The following TMEM132B variants were observed in gnomAD, a reference collection of about 807,000 sequenced individuals.
TMEM132B encodes the protein transmembrane protein 132B.
In TMEM132B, 18 loss-of-function variants were observed where a neutral mutation model predicts 90.8. That is an observed-to-expected ratio of 0.20 (90% CI 0.14 to 0.29). The LOEUF (loss-of-function observed/expected upper bound fraction) is 0.29, where lower values mean the gene tolerates loss of function less well. Among genes scored for constraint, TMEM132B ranks in the 10% least tolerant of loss-of-function variants. TMEM132B has a pLI of 1.00. For synonymous variants in TMEM132B, 504 were observed against 523.3 expected (o/e 0.96, Z 0.50); for missense variants, 1,096 against 1,326.8 (o/e 0.83, Z 2.70).
Position 125,497,061 on chromosome 12 carries a change from C to T in TMEM132B, c.1107-22378C>T, listed in dbSNP as rs547557556. On this transcript the variant is annotated intron_variant, in intron 3 of 8. Coordinates refer to ENST00000682704, the MANE Select transcript of TMEM132B (RefSeq NM_001366854.1). ...CGGCTTCCTCTTTAAAGGATGGTTA[C>T]CTTTATTTCAAAGCTCCAGGAGAGG... 9.8e-5 allele frequency among the ~76,000 whole-genome samples: 15 copies of T among 152,294 alleles called. No individual in the cohort carries two copies. In the South Asian group the frequency reaches 3.1e-3, roughly 32 times the overall value.
At chr12:125,560,414 T>C (rs991970662) in intron 4 of TMEM132B, among the ~76,000 whole-genome samples, 8 of 152,188 alleles carry the variant, frequency 5.3e-5, no homozygotes, top group Non-Finnish European at 1.0e-4. Context: ...AAAGAAGACA[T>C]TTATGCGGCC....
chr12:125,230,638 G>A (rs1369897071), intron 1 of TMEM132B, among the ~76,000 whole-genome samples: 1 of 151,248 alleles, frequency 6.6e-6, no homozygotes, highest in Non-Finnish European at 1.5e-5. Context: ...CTGCCACCAC[G>A]CCCGTCTAAT....
chr12:125,332,583 CTTTTTTTTTTT>C (rs201828438), intron 1 of TMEM132B, among the ~76,000 whole-genome samples: 1,270 of 52,342 alleles, frequency 0.024, 25 homozygotes, highest in Middle Eastern at 0.062. Context: ...AGAGAGTTGG[CTTTTTTTTTTT>C]TTTTTTTTTT....
chr12:125,363,534 T>C (rs325099), intron 2 of TMEM132B, among the ~76,000 whole-genome samples: 39,467 of 152,078 alleles, frequency 0.26, 5,545 homozygotes, highest in African/African-American at 0.35. Flanking sequence ...TAGTAGTGTT[T>C]TTTGGGCCTG....
rs1887175342 is a variant in TMEM132B at position 125,660,253 on chromosome 12, C to T, written c.*5543C>T. 6.6e-6 allele frequency: 1 copy of T among 152,136 alleles called. No individual in the cohort carries two copies. Among genetic ancestry groups the T allele is most frequent in the Non-Finnish European group, 1.5e-5 (1 of 68,060 alleles). The allele number at this position is 152,136 out of a possible 1,614,324, so 9.4% of individuals were successfully genotyped here. On this transcript the variant is annotated 3_prime_UTR_variant, in exon 9 of 9. Coordinates refer to ENST00000682704, the MANE Select transcript of TMEM132B (RefSeq NM_001366854.1). ...AACAAGAGCGAGACTTTGTCTCAAA[C>T]AGAAACAAAACAAGAAAAACAAAAA... is the stretch of plus-strand genomic sequence containing the variant.
intron 1 of TMEM132B, among the ~76,000 whole-genome samples, chr12:125,302,110 G>T (rs750011186): frequency 2.6e-5 from 4 of 152,132 alleles, no homozygotes; most frequent in Admixed American, 6.5e-5. Context: ...TGAGGCAAGA[G>T]AATTGCTTGA....
intron 4 of TMEM132B, among the ~76,000 whole-genome samples, chr12:125,554,322 G>A (rs1450361302): frequency 6.6e-6 from 1 of 150,880 alleles, no homozygotes; most frequent in African/African-American, 2.4e-5. Flanking sequence ...CTACTTGGGA[G>A]GCTGAGGCAG....
chr12:125,484,604 G>T (rs1882151909), intron 3 of TMEM132B, among the ~76,000 whole-genome samples: 1 of 152,020 alleles, frequency 6.6e-6, no homozygotes, highest in Non-Finnish European at 1.5e-5. Context: ...AGCTGTCCTG[G>T]TCTCTATGTT....
chr12:125,480,594 C>T (rs911273742), intron 3 of TMEM132B, among the ~76,000 whole-genome samples: 17 of 152,116 alleles, frequency 1.1e-4, no homozygotes, highest in African/African-American at 3.9e-4. Context: ...CAATAACAGG[C>T]TCTGAAATTG....
At chr12:125,306,271 C>G (rs1875968328) in intron 1 of TMEM132B, among the ~76,000 whole-genome samples, 1 of 152,236 alleles carries the variant, frequency 6.6e-6, no homozygotes, top group Non-Finnish European at 1.5e-5. Context: ...AGGCTTAACA[C>G]AACACACCTG....
At chr12:125,538,487 C>T (rs142041115) in intron 4 of TMEM132B, among the ~76,000 whole-genome samples, 1 of 152,326 alleles carries the variant, frequency 6.6e-6, no homozygotes, top group East Asian at 1.9e-4. Context: ...GTTAGACAGT[C>T]ACTTGGCCAG....
intron 5 of TMEM132B, among the ~76,000 whole-genome samples, chr12:125,619,628 G>T (rs995427784): frequency 6.6e-6 from 1 of 152,014 alleles, no homozygotes; most frequent in Non-Finnish European, 1.5e-5. Flanking sequence ...GCCTCCCAAA[G>T]TGCTGGGATT....
At chr12:125,199,783 C>T (rs942027390) in intron 1 of TMEM132B, among the ~76,000 whole-genome samples, 2 of 152,048 alleles carry the variant, frequency 1.3e-5, no homozygotes, top group Non-Finnish European at 2.9e-5. Flanking sequence ...ATCTCATCTC[C>T]ATCCCAGGCA....
chr12:125,635,493 A>T (rs1886459702), intron 5 of TMEM132B, among the ~76,000 whole-genome samples: 1 of 152,194 alleles, frequency 6.6e-6, no homozygotes. Flanking sequence ...ATGCCTTCAT[A>T]GTATTCCATG....
At chr12:125,424,335 G>A (rs570944236) in intron 3 of TMEM132B, among the ~76,000 whole-genome samples, 1 of 152,272 alleles carries the variant, frequency 6.6e-6, no homozygotes, top group South Asian at 2.1e-4. Context: ...TGTTTACAGG[G>A]CTCCGTGTGT....
intron 2 of TMEM132B, among the ~76,000 whole-genome samples, chr12:125,371,379 A>G (rs180737120): frequency 4.6e-5 from 7 of 152,340 alleles, no homozygotes; most frequent in Admixed American, 2.6e-4. Flanking sequence ...GGGAAGAGAC[A>G]GGGAGGAAGG....
intron 5 of TMEM132B, among the ~76,000 whole-genome samples, chr12:125,621,827 GGC>G (rs1178782735): frequency 6.6e-6 from 1 of 152,118 alleles, no homozygotes; most frequent in African/African-American, 2.4e-5. Context: ...CCTTTCCTCT[GGC>G]ATCATGCTAT....
At position 125,220,057 on chromosome 12, in the gene TMEM132B, C is replaced by G. The variant is rs116973877; in HGVS notation, c.67+33191C>G. 7.1e-3 allele frequency among the ~76,000 whole-genome samples: 1,077 copies of G among 152,372 alleles called. 36 individuals carry two copies. In the East Asian group the frequency reaches 0.097, roughly 14 times the overall value. ...CATTCAACCTTTTCTGTCCCATCCC[C>G]TGAGCTCCACAAGGTGACCTTTTAA... On this transcript the variant is annotated intron_variant, in intron 1 of 8. Coordinates refer to ENST00000682704, the MANE Select transcript of TMEM132B (RefSeq NM_001366854.1).
At chr12:125,452,836 A>G (rs557313397) in intron 3 of TMEM132B, among the ~76,000 whole-genome samples, 11 of 152,220 alleles carry the variant, frequency 7.2e-5, no homozygotes, top group African/African-American at 2.6e-4. Context: ...ATTGATTTAT[A>G]TGTATTCATT....
Sources: allele counts gnomAD v4.1 joint callset (sites outside exome capture counted in the v4.1 genomes callset), GRCh38; gene constraint gnomAD v4.1.1; transcripts MANE v1.5; gene names NCBI Gene and HGNC (gene_info 2026-07-23, HGNC 2026-07-21).